The following ARHGAP24 variants were observed in gnomAD, a reference collection of about 807,000 sequenced individuals.
ARHGAP24 encodes Rho GTPase activating protein 24.
ARHGAP24 carries 50 observed loss-of-function variants against 76.4 expected under a neutral mutation model. The ratio of observed to expected loss-of-function variants is 0.65; its 90% CI spans 0.52 to 0.83. The LOEUF (loss-of-function observed/expected upper bound fraction) is 0.83. Ranked by LOEUF, ARHGAP24 falls within the 40% of genes least tolerant of loss-of-function variation. ARHGAP24 has a pLI of 0.00. For synonymous variants in ARHGAP24, 345 were observed against 323.3 expected (o/e 1.07, Z -0.72); for missense variants, 930 against 914.2 (o/e 1.02, Z -0.22).
At chr4:85,962,193 A>G (rs1578437549) in intron 5 of ARHGAP24, among the ~76,000 whole-genome samples, 1 of 152,114 alleles carries the variant, frequency 6.6e-6, no homozygotes, top group Admixed American at 6.6e-5. Flanking sequence ...ACATTTACTA[A>G]TAATGGAAAG....
chr4:85,750,447 T>A (rs141434915), intron 3 of ARHGAP24, among the ~76,000 whole-genome samples: 38 of 150,174 alleles, frequency 2.5e-4, no homozygotes, highest in East Asian at 1.6e-3. Context: ...CTCACCCTTT[T>A]TCTAGAGCCC....
At chr4:85,516,915 T>G (rs1347360765) in intron 1 of ARHGAP24, among the ~76,000 whole-genome samples, 1 of 152,136 alleles carries the variant, frequency 6.6e-6, no homozygotes, top group Non-Finnish European at 1.5e-5. Flanking sequence ...TTTTTTAAAT[T>G]TAGATATATA....
At chr4:85,754,076 T>C (rs1037803712) in intron 3 of ARHGAP24, among the ~76,000 whole-genome samples, 3 of 152,180 alleles carry the variant, frequency 2.0e-5, no homozygotes, top group Non-Finnish European at 4.4e-5. Flanking sequence ...CTCTCCCCAC[T>C]TTCCTTCCTG....
chr4:85,936,595 A>G (rs964071414), intron 4 of ARHGAP24, among the ~76,000 whole-genome samples: 8 of 152,256 alleles, frequency 5.3e-5, no homozygotes, highest in African/African-American at 1.9e-4. Flanking sequence ...CAATTATTTC[A>G]TTATAATAAA....
At chr4:85,713,602 T>C (rs1053084768) in intron 2 of ARHGAP24, among the ~76,000 whole-genome samples, 3 of 151,290 alleles carry the variant, frequency 2.0e-5, no homozygotes, top group African/African-American at 7.3e-5. Flanking sequence ...GAAGTGGAGC[T>C]TGGACTCCTC....
intron 5 of ARHGAP24, among the ~76,000 whole-genome samples, chr4:85,953,020 T>C (rs1025545295): frequency 6.6e-6 from 1 of 152,164 alleles, no homozygotes; most frequent in Non-Finnish European, 1.5e-5. Flanking sequence ...CTCCAGATGG[T>C]ATCAGCTGTT....
At chr4:85,734,434 A>G (rs550556561) in intron 3 of ARHGAP24, among the ~76,000 whole-genome samples, 4 of 152,186 alleles carry the variant, frequency 2.6e-5, no homozygotes, top group Non-Finnish European at 5.9e-5. Flanking sequence ...GTGGTACACC[A>G]ATGCTTTAAA....
At chr4:85,497,034 C>T (rs376404579) in intron 1 of ARHGAP24, among the ~76,000 whole-genome samples, 43 of 152,250 alleles carry the variant, frequency 2.8e-4, no homozygotes, top group African/African-American at 8.4e-4. Context: ...GCAAATGCCC[C>T]GAGTTTAGTG....
At chr4:85,476,154 C>G (rs1424504415) in intron 1 of ARHGAP24, among the ~76,000 whole-genome samples, 1 of 151,032 alleles carries the variant, frequency 6.6e-6, no homozygotes, top group Non-Finnish European at 1.5e-5. Flanking sequence ...TGAAGCCACT[C>G]AAAAGATTTT....
intron 1 of ARHGAP24, among the ~76,000 whole-genome samples, chr4:85,491,472 A>C (rs1378563864): frequency 6.6e-6 from 1 of 152,228 alleles, no homozygotes; most frequent in African/African-American, 2.4e-5. Context: ...TATTTTAATT[A>C]ATAAATCAGC....
chr4:85,574,308 G>T (rs1398869842), intron 2 of ARHGAP24, among the ~76,000 whole-genome samples: 4 of 152,166 alleles, frequency 2.6e-5, no homozygotes, highest in Non-Finnish European at 5.9e-5. Flanking sequence ...AATAATGACA[G>T]GCTACCCTGA....
At chr4:85,494,555 C>T (rs925795995) in intron 1 of ARHGAP24, among the ~76,000 whole-genome samples, 1 of 151,500 alleles carries the variant, frequency 6.6e-6, no homozygotes, top group Non-Finnish European at 1.5e-5. Flanking sequence ...CGTGGTGGAG[C>T]CTGTAGTCTC....
intron 2 of ARHGAP24, among the ~76,000 whole-genome samples, chr4:85,650,891 A>C (rs1233626148): frequency 1.3e-5 from 2 of 149,584 alleles, no homozygotes; most frequent in African/African-American, 5.1e-5. Context: ...TCAAGTGCAA[A>C]TTGGGCATTG....
At chr4:85,831,679 A>T (rs2110136139) in intron 3 of ARHGAP24, among the ~76,000 whole-genome samples, 1 of 152,234 alleles carries the variant, frequency 6.6e-6, no homozygotes, top group South Asian at 2.1e-4. Flanking sequence ...GGGTGGGAGG[A>T]TCACTTGAGC....
At chr4:85,827,517 T>TGTGTGTG (rs1553933033) in intron 3 of ARHGAP24, among the ~76,000 whole-genome samples, 175 of 126,190 alleles carry the variant, frequency 1.4e-3, no homozygotes, top group Middle Eastern at 4.1e-3. Flanking sequence ...TGTGTGTGTG[T>TGTGTGTG]TTAGAGAGAG....
At chr4:85,679,953 A>T (rs1357650908) in intron 2 of ARHGAP24, among the ~76,000 whole-genome samples, 1 of 152,220 alleles carries the variant, frequency 6.6e-6, no homozygotes, top group Non-Finnish European at 1.5e-5. Flanking sequence ...ACTTTCTATC[A>T]TATTTTTAGT....
intron 1 of ARHGAP24, among the ~76,000 whole-genome samples, chr4:85,552,334 G>T (rs530720929): frequency 6.6e-6 from 1 of 152,278 alleles, no homozygotes; most frequent in African/African-American, 2.4e-5. Flanking sequence ...ATATGGTTTT[G>T]AGTGATTTTC....
intron 5 of ARHGAP24, among the ~76,000 whole-genome samples, chr4:85,944,590 A>C (rs984107943): frequency 2.0e-5 from 3 of 152,152 alleles, no homozygotes. Context: ...CCATTTGTCA[A>C]ATTTGGGTTT....
At chr4:85,894,960 C>CAAAAAAAAAAAA (rs540459367) in intron 3 of ARHGAP24, among the ~76,000 whole-genome samples, 17 of 35,334 alleles carry the variant, frequency 4.8e-4, no homozygotes, top group South Asian at 9.9e-4. Flanking sequence ...GACTCCCTCT[C>CAAAAAAAAAAAA]AAAAAAAAAA....
Sources: allele counts gnomAD v4.1 joint callset (sites outside exome capture counted in the v4.1 genomes callset), GRCh38; gene constraint gnomAD v4.1.1; transcripts MANE v1.5; gene names NCBI Gene and HGNC (gene_info 2026-07-23, HGNC 2026-07-21).